Variants in SNX13 observed in about 807,000 individuals in gnomAD.
SNX13 encodes sorting nexin 13, also known as sorting nexin-13.
Under a neutral mutation model 133.6 loss-of-function variants are expected in SNX13, and 45 were observed. That is an observed-to-expected ratio of 0.34 (90% CI 0.27 to 0.43). The LOEUF is 0.43. SNX13 is among the 20% of genes least tolerant of loss of function. The pLI is 1.00. For synonymous variants in SNX13, 414 were observed against 373.9 expected (o/e 1.11, Z -1.24); for missense variants, 1,032 against 1,145.1 (o/e 0.90, Z 1.43).
intron 3 of SNX13, among the ~76,000 whole-genome samples, 176 bp from the exon 4 acceptor site, chr7:17,891,811 C>T (rs1019087498): frequency 6.6e-6 from 1 of 152,024 alleles, no homozygotes; most frequent in African/African-American, 2.4e-5. Flanking sequence ...CAAAATTAGA[C>T]ACTCCCAAAA....
At chr7:17,831,774 CTAAT>C (rs1788517702) in intron 15 of SNX13, 1 of 983,498 alleles carries the variant, frequency 1.0e-6, no homozygotes, top group African/African-American at 1.8e-5. Flanking sequence ...AGTCAGAAAA[CTAAT>C]TTATAACAAA....
chr7:17,899,130 G>A (rs960292167), intron 1 of SNX13: 1 of 152,208 alleles, frequency 6.6e-6, no homozygotes, highest in East Asian at 1.9e-4. Context: ...CTAAAATATG[G>A]CATGCCACTC....
chr7:17,861,024 T>G (rs1014213870), intron 9 of SNX13, among the ~76,000 whole-genome samples: 1 of 152,138 alleles, frequency 6.6e-6, no homozygotes, highest in Non-Finnish European at 1.5e-5. Flanking sequence ...TTTATTTGTG[T>G]CTTTTTTTTG....
chr7:17,868,252 G>C lies in SNX13; in HGVS notation c.837+155C>G. On this transcript the variant is annotated intron_variant, in intron 9 of 25. Coordinates refer to ENST00000428135, the MANE Select transcript of SNX13 (RefSeq NM_015132.5). ...TTTGGCCAACACATTCAAAATATAAGCAAATAAAAATATTGGAAACACAGA... is the reference window on the plus strand; with the variant it reads ...TTTGGCCAACACATTCAAAATATAACCAAATAAAAATATTGGAAACACAGA... 6.5e-6 allele frequency: 4 copies of C among 613,336 alleles called. 1 individual carries two copies. The highest frequency in any genetic ancestry group is 8.4e-6 in the Non-Finnish European group (3 of 359,120). The allele number at this position is 613,336 out of a possible 1,614,324, so 38.0% of individuals were successfully genotyped here.
chr7:17,835,051 T>A (rs977638593), intron 13 of SNX13, among the ~76,000 whole-genome samples, 186 bp from the exon 14 acceptor site: 4 of 151,918 alleles, frequency 2.6e-5, no homozygotes, highest in African/African-American at 9.7e-5. Context: ...CCTCATGTAC[T>A]CTTCCTCATA....
rs1390126662 is a variant in SNX13, at chr7:17,940,352, A to G, written c.-57T>C. ...AGCCTCGCCTCATGGCAACAGCCGT[A>G]GCAGCAGCGAAAACTGCTCGGGCCG... is the stretch of plus-strand genomic sequence containing the variant. On this transcript the variant is annotated 5_prime_UTR_variant, in exon 1 of 26. Coordinates refer to ENST00000428135, the MANE Select transcript of SNX13 (RefSeq NM_015132.5). 10 of 1,553,382 alleles carry G rather than the reference A, an allele frequency of 6.4e-6. No homozygotes were observed. The highest frequency in any genetic ancestry group is 1.7e-4 in the Middle Eastern group (1 of 6,022).
At chr7:17,921,464 G>A (rs1223627339) in intron 1 of SNX13, among the ~76,000 whole-genome samples, 7 of 151,918 alleles carry the variant, frequency 4.6e-5, no homozygotes, top group Non-Finnish European at 7.4e-5. Flanking sequence ...CCATATCCCC[G>A]ACAACTTCAC....
At chr7:17,874,267 A>G (rs893167990) in intron 7 of SNX13, among the ~76,000 whole-genome samples, 3 of 152,192 alleles carry the variant, frequency 2.0e-5, no homozygotes, top group Non-Finnish European at 2.9e-5. Flanking sequence ...CAAGAGATGA[A>G]CCGCATAGCC....
chr7:17,891,217 G>GA (rs35045345), intron 4 of SNX13, among the ~76,000 whole-genome samples: 1 of 151,686 alleles, frequency 6.6e-6, no homozygotes, highest in East Asian at 1.9e-4. Context: ...TAACAAGTAG[G>GA]AAAAAAAGTC....
At position 17,940,278 on chromosome 7, in the gene SNX13, G is replaced by A. The variant is rs1802682268; in HGVS notation, c.12+6C>T. On this transcript the variant is annotated splice_donor_region_variant and intron_variant, in intron 1 of 25. Coordinates refer to ENST00000428135, the MANE Select transcript of SNX13 (RefSeq NM_015132.5). ...CAGGTAAACACTGGCCACCGTCGCCGCTTACCTCAGTTAACATTATTACAC... is the reference window on the plus strand; with the variant it reads ...CAGGTAAACACTGGCCACCGTCGCCACTTACCTCAGTTAACATTATTACAC... 16 of 1,561,500 alleles carry A rather than the reference G, an allele frequency of 1.0e-5. No individual in the cohort carries two copies. The highest frequency in any genetic ancestry group is 1.4e-5 in the African/African-American group (1 of 73,550).
chr7:17,907,067 C>T (rs1022429969), intron 1 of SNX13, among the ~76,000 whole-genome samples: 3 of 151,966 alleles, frequency 2.0e-5, no homozygotes, highest in African/African-American at 7.3e-5. Flanking sequence ...TAATTTTGTA[C>T]TAAAATATGC....
At chr7:17,909,562 G>C (rs1189809655) in intron 1 of SNX13, among the ~76,000 whole-genome samples, 1 of 152,200 alleles carries the variant, frequency 6.6e-6, no homozygotes, top group South Asian at 2.1e-4. Context: ...TCCTTTGTAG[G>C]GACATGGGTC....
At chr7:17,843,853 C>T (rs954114568) in intron 12 of SNX13, among the ~76,000 whole-genome samples, 1 of 151,950 alleles carries the variant, frequency 6.6e-6, no homozygotes, top group Non-Finnish European at 1.5e-5. Context: ...AACACACTCA[C>T]ACAACCAATG....
chr7:17,806,410 A>C (rs1785303901), intron 20 of SNX13, among the ~76,000 whole-genome samples: 1 of 152,240 alleles, frequency 6.6e-6, no homozygotes, highest in African/African-American at 2.4e-5. Context: ...CTACTTTAAT[A>C]GCTATTTAAT....
At chr7:17,852,802 A>G (rs1040994112) in intron 9 of SNX13, among the ~76,000 whole-genome samples, 1 of 152,244 alleles carries the variant, frequency 6.6e-6, no homozygotes, top group Non-Finnish European at 1.5e-5. Context: ...AATTGTCTAG[A>G]AGGAGTTGGT....
chr7:17,860,017 C>T (rs749486620), intron 9 of SNX13, among the ~76,000 whole-genome samples: 6 of 152,072 alleles, frequency 3.9e-5, no homozygotes, highest in African/African-American at 4.8e-5. Flanking sequence ...GAGACCTAGA[C>T]GTGGGATTGT....
In SNX13 at chr7:17,801,948, C is replaced by T. The variant is rs190542166; in HGVS notation, c.2227-289G>A. On this transcript the variant is annotated intron_variant, in intron 21 of 25. Transcript: ENST00000428135. ...TTCAAAGCTAAGAAAGGTCAAATGA[C>T]TTGAAAGCCAAAAAGTCATGCATCG... is the stretch of plus-strand genomic sequence containing the variant. 1.3e-4 allele frequency among the ~76,000 whole-genome samples: 20 copies of T among 152,144 alleles called. No individual in the cohort carries two copies. The East Asian group carries it at 3.7e-3, about 28-fold the overall frequency.
At chr7:17,805,698 C>T (rs1282392730) in intron 20 of SNX13, among the ~76,000 whole-genome samples, 1 of 152,198 alleles carries the variant, frequency 6.6e-6, no homozygotes, top group Non-Finnish European at 1.5e-5. Context: ...ATCTCACATG[C>T]TTATCTAGGC....
chr7:17,905,913 C>G (rs1386349807), intron 1 of SNX13, among the ~76,000 whole-genome samples: 3 of 152,186 alleles, frequency 2.0e-5, no homozygotes, highest in Non-Finnish European at 2.9e-5. Flanking sequence ...TCACAGGATC[C>G]TCCCACCTCA....
Sources: gnomAD v4.1 joint callset for allele counts (sites outside exome capture counted in the v4.1 genomes callset) on GRCh38, gnomAD v4.1.1 for gene constraint, MANE v1.5 for transcripts, NCBI Gene and HGNC (gene_info 2026-07-23, HGNC 2026-07-21) for gene names.